Variants in HEXB observed in about 807,000 individuals in gnomAD.
The protein encoded by HEXB is hexosaminidase subunit beta, also known as beta-hexosaminidase subunit beta.
Under a neutral mutation model 71.2 loss-of-function variants are expected in HEXB, and 51 were observed. The observed-to-expected ratio is 0.72, with a 90% CI of 0.57 to 0.90. HEXB has a LOEUF of 0.90. Among genes scored for constraint, HEXB ranks in the 40% least tolerant of loss-of-function variants. The pLI is 0.00. For missense variants in HEXB, 617 were observed against 677.0 expected, an observed-to-expected ratio of 0.91 and a Z score of 0.98; for synonymous variants, 266 against 249.3, an observed-to-expected ratio of 1.07 and a Z score of -0.63.
intron 1 of HEXB, among the ~76,000 whole-genome samples, chr5:74,642,303 C>G (rs1747913846): frequency 6.6e-6 from 1 of 151,928 alleles, no homozygotes; most frequent in African/African-American, 2.4e-5. Context: ...GAGGCTGATT[C>G]ACAGAGACAG....
chr5:74,686,802 A>G lies in HEXB; in HGVS notation c.299+1243A>G, dbSNP rs144603390. 5.5e-3 allele frequency among the ~76,000 whole-genome samples: 845 copies of G among 152,338 alleles called. 7 individuals are homozygous for G. Among genetic ancestry groups the G allele is most frequent in the African/African-American group, 0.019 (802 of 41,582 alleles). Reference sequence around the variant, plus strand: ...TGGGATATTCAGAAAGATTGCATGGAAAGTACATGAAGGTTGTCTCAGAAG... The same window carrying G: ...TGGGATATTCAGAAAGATTGCATGGGAAGTACATGAAGGTTGTCTCAGAAG... On this transcript the variant is annotated intron_variant, in intron 1 of 13. Transcript: ENST00000261416.
chr5:74,675,789 C>T (rs1748619449), intron 1 of HEXB, among the ~76,000 whole-genome samples: 1 of 152,236 alleles, frequency 6.6e-6, no homozygotes, highest in African/African-American at 2.4e-5. Context: ...GTTTCCACAG[C>T]TGACTGGGGT....
intron 5 of HEXB, among the ~76,000 whole-genome samples, chr5:74,703,765 A>G (rs961378043): frequency 6.6e-6 from 1 of 152,136 alleles, no homozygotes; most frequent in African/African-American, 2.4e-5. Context: ...TCCCAGGCTC[A>G]AGCAATCCTC....
chr5:74,714,371 A>C (rs909476963), intron 7 of HEXB, among the ~76,000 whole-genome samples: 5 of 152,250 alleles, frequency 3.3e-5, no homozygotes. Context: ...AAAAAGTAGA[A>C]CATGATAAGT....
intron 2 of HEXB, among the ~76,000 whole-genome samples, chr5:74,691,949 T>C (rs1291764471): frequency 6.6e-6 from 1 of 152,186 alleles, no homozygotes; most frequent in Non-Finnish European, 1.5e-5. Flanking sequence ...ATGGAAATTC[T>C]ATAGCTATGT....
At chr5:74,713,692 C>A in intron 7 of HEXB, 57 bp downstream of exon 7, 1 of 1,428,762 alleles carries the variant, frequency 7.0e-7, no homozygotes, top group Non-Finnish European at 9.8e-7. Flanking sequence ...GAGATGGAGT[C>A]TTGTTCTGTC....
chr5:74,663,686 A>T (rs1205709735), intron 1 of HEXB, among the ~76,000 whole-genome samples: 1 of 152,266 alleles, frequency 6.6e-6, no homozygotes, highest in Non-Finnish European at 1.5e-5. Flanking sequence ...ATTTGCAATC[A>T]GCAAAAATAG....
At chr5:74,651,352 A>G (rs1748106543) in intron 1 of HEXB, among the ~76,000 whole-genome samples, 2 of 152,258 alleles carry the variant, frequency 1.3e-5, no homozygotes, top group African/African-American at 2.4e-5. Context: ...AACTATTTAT[A>G]GCATGAATAA....
At chr5:74,664,017 A>C (rs1451795337) in intron 1 of HEXB, among the ~76,000 whole-genome samples, 1 of 152,102 alleles carries the variant, frequency 6.6e-6, no homozygotes, top group African/African-American at 2.4e-5. Context: ...GCACTTTGGG[A>C]GGCCGAGGCA....
At chr5:74,668,460 A>G (rs1748476250) in intron 1 of HEXB, among the ~76,000 whole-genome samples, 1 of 152,118 alleles carries the variant, frequency 6.6e-6, no homozygotes, top group Non-Finnish European at 1.5e-5. Flanking sequence ...GTGGCAAGAG[A>G]ATAGGATGTG....
At chr5:74,718,451 AGT>A (rs1561227828) in intron 10 of HEXB, 88 bp downstream of exon 10, 1 of 974,792 alleles carries the variant, frequency 1.0e-6, no homozygotes, top group African/African-American at 1.6e-5. Context: ...TCTAACTACT[AGT>A]ATTACCTTTC....
intron 1 of HEXB, among the ~76,000 whole-genome samples, chr5:74,649,596 C>T (rs1348262053): frequency 1.3e-5 from 2 of 152,232 alleles, no homozygotes; most frequent in African/African-American, 4.8e-5. Context: ...CAGCCTTGAA[C>T]ACCTGGCACA....
intron 10 of HEXB, 148 bp from the exon 11 acceptor site, chr5:74,718,649 C>CT: frequency 1.2e-6 from 1 of 819,670 alleles, no homozygotes; most frequent in Non-Finnish European, 2.0e-6. Context: ...TCACATGGCA[C>CT]TAACTCTGAA....
rs1462413005 is a variant in HEXB at position 74,652,265 on chromosome 5, A to G, written c.-377+11707A>G. Among the ~76,000 whole-genome samples the G allele has an allele frequency of 6.6e-6, 1 of 152,196 alleles. No homozygotes were observed. The highest frequency in any genetic ancestry group is 6.5e-5 in the Admixed American group (1 of 15,280). On this transcript the variant is annotated intron_variant, in intron 1 of 13. Transcript: ENST00000511181. The surrounding 1 kb of genome is among the most constrained non-coding windows in gnomAD (Gnocchi z 5.4). ...TTTTGCTCATGAGGAAACAGGGGCA[A>G]TGATGCGTTTGAACTTGTGCAAGAA...
At chr5:74,660,693 A>G (rs1748302265) in intron 1 of HEXB, among the ~76,000 whole-genome samples, 3 of 152,228 alleles carry the variant, frequency 2.0e-5, no homozygotes, top group Admixed American at 6.5e-5. Flanking sequence ...ATCCCAATAC[A>G]AAACTCATAT....
chr5:74,715,625 A>C lies in HEXB; in HGVS notation c.1017A>C (p.Glu339Asp). The change falls in exon 8 of 14, where the codon GAA becomes GAC. Residue 339 changes from glutamate (E) to aspartate (D), a missense_variant. Glu to Asp is a conservative substitution (Grantham distance 45). Coordinates refer to ENST00000261416, the MANE Select transcript of HEXB (RefSeq NM_000521.4). ...GCTTCCTTACTACATTTTTCAAAGA[A>C]ATTAGTGAGGTGTTTCCAGATCAAT... ...TYSFLTTFFKEISEVFPDQFI... is the reference protein window; with the variant it reads ...TYSFLTTFFKDISEVFPDQFI... 3 of 1,611,154 alleles carry C rather than the reference A, an allele frequency of 1.9e-6. No homozygotes were observed. Among genetic ancestry groups the C allele is most frequent in the Non-Finnish European group, 2.5e-6 (3 of 1,177,436 alleles).
intron 1 of HEXB, among the ~76,000 whole-genome samples, chr5:74,647,312 G>A (rs2112068891): frequency 6.6e-6 from 1 of 152,366 alleles, no homozygotes; most frequent in East Asian, 1.9e-4. Context: ...CTCTAAGCAT[G>A]TCTGGGCATG....
At chr5:74,665,414 C>CTGTGTGTG (rs34012729) in intron 1 of HEXB, among the ~76,000 whole-genome samples, 3 of 150,094 alleles carry the variant, frequency 2.0e-5, no homozygotes, top group African/African-American at 7.3e-5. Flanking sequence ...ACACTTTTCT[C>CTGTGTGTG]TGTGTGTGTG....
chr5:74,661,185 G>A (rs1436548628), intron 1 of HEXB, among the ~76,000 whole-genome samples: 1 of 152,222 alleles, frequency 6.6e-6, no homozygotes, highest in Non-Finnish European at 1.5e-5. Context: ...CAGGCCAGTT[G>A]CTTCTGTAAT....
Sources: gnomAD v4.1 joint callset for allele counts (sites outside exome capture counted in the v4.1 genomes callset) on GRCh38, gnomAD v4.1.1 for gene constraint, Gnocchi (gnomAD v3.1) non-coding constraint, MANE v1.5 for transcripts, NCBI Gene and HGNC (gene_info 2026-07-23, HGNC 2026-07-21) for gene names.